Variants in FNDC1 observed in about 807,000 individuals in gnomAD.
FNDC1 encodes fibronectin type III domain containing 1, also known as fibronectin type III domain-containing protein 1.
In FNDC1, 96 loss-of-function variants were observed where a neutral mutation model predicts 168.0. The ratio of observed to expected loss-of-function variants is 0.57; its 90% CI spans 0.48 to 0.68. The LOEUF (loss-of-function observed/expected upper bound fraction) is 0.68. Among genes scored for constraint, FNDC1 ranks in the 30% least tolerant of loss-of-function variants. FNDC1 has a pLI of 0.00. For missense variants in FNDC1, 2,587 were observed against 2,482.1 expected (o/e 1.04, Z -0.90); for synonymous variants, 1,099 against 1,025.9 (o/e 1.07, Z -1.36).
At chr6:159,256,713 A>T (rs1241756098) in intron 18 of FNDC1, 82 bp downstream of exon 18, 3 of 1,047,044 alleles carry the variant, frequency 2.9e-6, no homozygotes, top group Non-Finnish European at 4.4e-6. Context: ...GAAGGGAGGA[A>T]TCAAAATGTT....
chr6:159,181,555 C>T (rs1781879105), intron 1 of FNDC1, among the ~76,000 whole-genome samples: 1 of 152,130 alleles, frequency 6.6e-6, no homozygotes, highest in South Asian at 2.1e-4. Context: ...ATAAATGTAG[C>T]AATATAGGAT....
At chr6:159,271,273 A>C in intron 22 of FNDC1, 54 bp from the exon 23 acceptor site, 1 of 1,232,858 alleles carries the variant, frequency 8.1e-7, no homozygotes, top group Non-Finnish European at 1.2e-6. Flanking sequence ...GATGAGTTCT[A>C]CCTGTTGGTT....
At chr6:159,189,440 C>T (rs1297853854) in intron 1 of FNDC1, among the ~76,000 whole-genome samples, 1 of 152,218 alleles carries the variant, frequency 6.6e-6, no homozygotes, top group Non-Finnish European at 1.5e-5. Flanking sequence ...ATTAGGGGAG[C>T]TTTACTGGAT....
intron 1 of FNDC1, among the ~76,000 whole-genome samples, chr6:159,187,000 G>C (rs1199812475): frequency 6.6e-6 from 1 of 152,220 alleles, no homozygotes. Context: ...AAGAATAGCT[G>C]GTGACAACCA....
At chr6:159,183,809 T>C (rs1295939613) in intron 1 of FNDC1, among the ~76,000 whole-genome samples, 5 of 152,190 alleles carry the variant, frequency 3.3e-5, no homozygotes, top group Non-Finnish European at 7.4e-5. Context: ...TAGAGTAAGC[T>C]GAGGAGCAAG....
Position 159,239,800 on chromosome 6 carries a change from A to T in FNDC1, c.4464A>T (p.Thr1488=). 6.5e-7 allele frequency: 1 copy of T among 1,545,480 alleles called. No homozygotes were observed. The highest frequency in any genetic ancestry group is 8.7e-7 in the Non-Finnish European group (1 of 1,142,950). ...TTRRTTTRRP[T]TTVRTTTRTT... is the part of the protein sequence containing the mutation. ...GCCGCACGACCACCAGGCGTCCAAC[A>T]ACCACAGTCCGAACCACTACGCGGA... The change falls in exon 14 of 23, where the codon ACA becomes ACT. Residue 1488 remains threonine (T), a synonymous_variant. Transcript: ENST00000297267.
At chr6:159,212,916 G>A (rs964726378) in intron 4 of FNDC1, among the ~76,000 whole-genome samples, 1 of 152,182 alleles carries the variant, frequency 6.6e-6, no homozygotes, top group African/African-American at 2.4e-5. Context: ...AATCAGAATG[G>A]CTGAACTCTG....
intron 2 of FNDC1, 38 bp from the exon 3 acceptor site, chr6:159,199,958 A>T: frequency 6.6e-7 from 1 of 1,524,552 alleles, no homozygotes; most frequent in Non-Finnish European, 9.0e-7. Flanking sequence ...ATTCTTGGAG[A>T]TCTGAATTGG....
Position 159,226,569 on chromosome 6 carries a change from G to C in FNDC1, c.1169G>C (p.Gly390Ala), listed in dbSNP as rs772085829. Residue 390 changes from glycine to alanine, a missense_variant, in exon 9 of 23, where the codon GGG becomes GCG. Physicochemically the swap from Gly to Ala is moderately conservative, Grantham distance 60. Transcript: ENST00000297267. ...TGGGATGCGCTACCAGAGACTGAGG[G>C]GAAAGTGAAAGGTAGGAATCTCACT... Reference protein sequence around the residue: ...ASWDALPETEGKVKEYILSYA... With the variant: ...ASWDALPETEAKVKEYILSYA... The C allele has an allele frequency of 3.7e-6, 6 of 1,604,276 alleles. 1 individual carries two copies. The South Asian group carries it at 6.8e-5, about 18-fold the overall frequency.
At chr6:159,179,899 C>T (rs563543044) in intron 1 of FNDC1, among the ~76,000 whole-genome samples, 1 of 152,210 alleles carries the variant, frequency 6.6e-6, no homozygotes, top group South Asian at 2.1e-4. Context: ...GGGGGTGGTG[C>T]CGAGTGTGGG....
chr6:159,179,953 A>G (rs954487353), intron 1 of FNDC1, among the ~76,000 whole-genome samples: 1 of 152,234 alleles, frequency 6.6e-6, no homozygotes, highest in Non-Finnish European at 1.5e-5. Context: ...TGGTGTCAGC[A>G]TATGCGTTAG....
chr6:159,245,987 C>T lies in FNDC1; in HGVS notation c.4622-914C>T, dbSNP rs1783530607. Among the ~76,000 whole-genome samples the T allele has an allele frequency of 5.3e-4, 2 of 3,800 alleles. 1 individual carries two copies. The highest frequency in any genetic ancestry group is 1.3e-3 in the African/African-American group (2 of 1,522). 2.5% of individuals were successfully genotyped at this position (3,800 alleles called of 152,430 possible). A position where few individuals can be genotyped will look rare whatever the true frequency, so the allele number is the denominator to read the frequency against. On this transcript the variant is annotated intron_variant, in intron 14 of 22. Coordinates refer to ENST00000297267, the MANE Select transcript of FNDC1 (RefSeq NM_032532.3). ...GCCAGGATGGTCTCGATCTCCTGACCTTGTGATCCGCCCGCCTCGGCCTCC... is the reference window on the plus strand; with the variant it reads ...GCCAGGATGGTCTCGATCTCCTGACTTTGTGATCCGCCCGCCTCGGCCTCC...
intron 1 of FNDC1, among the ~76,000 whole-genome samples, chr6:159,175,731 G>T (rs1027882959): frequency 1.3e-5 from 2 of 152,188 alleles, no homozygotes; most frequent in African/African-American, 4.8e-5. Flanking sequence ...TCGCCTGTTG[G>T]CATCTTAGAG....
rs762244107 is a variant in FNDC1 at position 159,232,583 on chromosome 6, G to A, written c.2071G>A (p.Ala691Thr). 2 of 1,608,808 alleles carry A rather than the reference G, an allele frequency of 1.2e-6. No homozygotes were observed. Among genetic ancestry groups the A allele is most frequent in the Non-Finnish European group, 1.7e-6 (2 of 1,176,820 alleles). The change falls in exon 11 of 23, where the codon GCA becomes ACA. Residue 691 changes from alanine (A) to threonine (T), a missense_variant. By Grantham distance (58) the Ala-to-Thr change is moderately conservative. Coordinates refer to ENST00000297267, the MANE Select transcript of FNDC1 (RefSeq NM_032532.3). The surrounding 1 kb of genome is among the most constrained non-coding windows in gnomAD (Gnocchi z 4.9). ...LRDRSSVHPG[A>T]KPASPARRTP... is the part of the protein sequence containing the mutation. ...CGACAGAAGCTCTGTGCACCCCGGC[G>A]CAAAGCCAGCCTCGCCGGCCCGGAG...
intron 22 of FNDC1, among the ~76,000 whole-genome samples, chr6:159,269,137 CATCT>C (rs1277039388): frequency 2.0e-5 from 3 of 149,218 alleles, no homozygotes; most frequent in Non-Finnish European, 3.0e-5. Flanking sequence ...TCTGTCCATC[CATCT>C]ATCTATCCAT....
At chr6:159,238,794 G>T in intron 13 of FNDC1, 129 bp downstream of exon 13, 2 of 641,446 alleles carry the variant, frequency 3.1e-6, no homozygotes, top group Admixed American at 6.4e-5. Context: ...CATGTGAGAA[G>T]AAGAGCCTCA....
intron 1 of FNDC1, among the ~76,000 whole-genome samples, chr6:159,172,914 A>G (rs1289797823): frequency 6.6e-6 from 1 of 152,248 alleles, no homozygotes; most frequent in Admixed American, 6.5e-5. Context: ...GAGATATTCT[A>G]TTAAAAAGAT....
chr6:159,194,661 T>C (rs964779758), intron 1 of FNDC1, among the ~76,000 whole-genome samples: 5 of 152,148 alleles, frequency 3.3e-5, no homozygotes, highest in African/African-American at 9.7e-5. Context: ...TTCAAAACAA[T>C]GATCGGGAAT....
intron 1 of FNDC1, among the ~76,000 whole-genome samples, chr6:159,192,356 T>C (rs1478064212): frequency 6.6e-6 from 1 of 152,254 alleles, no homozygotes; most frequent in Non-Finnish European, 1.5e-5. Context: ...CTGTTTCAAA[T>C]CACAGTTTTC....
Sources: gnomAD v4.1 joint callset for allele counts (sites outside exome capture counted in the v4.1 genomes callset) on GRCh38, gnomAD v4.1.1 for gene constraint, Gnocchi (gnomAD v3.1) non-coding constraint, MANE v1.5 for transcripts, NCBI Gene and HGNC (gene_info 2026-07-23, HGNC 2026-07-21) for gene names.